RBFOX1: variants seen among roughly 807,000 people sequenced by gnomAD.
RBFOX1 encodes RNA binding fox-1 homolog 1, also known as RNA binding protein fox-1 homolog 1.
Under a neutral mutation model 57.7 loss-of-function variants are expected in RBFOX1, and 8 were observed. The ratio of observed to expected loss-of-function variants is 0.14; its 90% CI spans 0.08 to 0.25. The LOEUF (loss-of-function observed/expected upper bound fraction) is 0.25. Ranked by LOEUF, RBFOX1 falls within the 10% of genes least tolerant of loss-of-function variation. The probability of loss-of-function intolerance (pLI) is 1.00; values close to 1 mark genes in which losing one functional copy is unlikely to be tolerated. For missense variants in RBFOX1, 611 were observed against 548.5 expected (o/e 1.11, Z -1.14); for synonymous variants, 326 against 222.4 (o/e 1.47, Z -4.15).
At chr16:7,489,301 G>T (rs2079037193) in intron 4 of RBFOX1, among the ~76,000 whole-genome samples, 1 of 152,132 alleles carries the variant, frequency 6.6e-6, no homozygotes, top group African/African-American at 2.4e-5. Flanking sequence ...TTTACTAAAT[G>T]ACAGGAACTG....
chr16:6,853,014 T>C (rs2094152347), intron 3 of RBFOX1, among the ~76,000 whole-genome samples: 1 of 152,106 alleles, frequency 6.6e-6, no homozygotes, highest in Admixed American at 6.5e-5. Context: ...ACTGGCAGAA[T>C]TGGAACAGCT....
chr16:7,166,518 G>C (rs1220277656), intron 4 of RBFOX1, among the ~76,000 whole-genome samples: 3 of 152,116 alleles, frequency 2.0e-5, no homozygotes, highest in Non-Finnish European at 4.4e-5. Context: ...AGAAGGAACA[G>C]GATGGCCTCA....
intron 4 of RBFOX1, among the ~76,000 whole-genome samples, chr16:7,158,589 G>T (rs1336144983): frequency 6.6e-6 from 1 of 152,014 alleles, no homozygotes; most frequent in Non-Finnish European, 1.5e-5. Context: ...GTGTGTATGT[G>T]CCTGTGTCCT....
chr16:5,417,935 G>T (rs976717560), intron 1 of RBFOX1, among the ~76,000 whole-genome samples: 1 of 152,084 alleles, frequency 6.6e-6, no homozygotes, highest in Non-Finnish European at 1.5e-5. Context: ...ACAAAAATTC[G>T]CTGGGTGTTG....
rs77494453 is a variant in RBFOX1, at chr16:6,982,490, G to A, written c.-15-69567G>A. ...TCATTCGTTCATGAGAGTCGTTGAC[G>A]AGGTGGATCCTGGAGTAGTCTCAGA... is the stretch of plus-strand genomic sequence containing the variant. On this transcript the variant is annotated intron_variant, in intron 3 of 15. Coordinates refer to ENST00000550418, the MANE Select transcript of RBFOX1 (RefSeq NM_018723.4). Among the ~76,000 whole-genome samples, 839 of 152,238 alleles carry A rather than the reference G, an allele frequency of 5.5e-3. 7 individuals are homozygous for A. The highest frequency in any genetic ancestry group is 0.019 in the African/African-American group (785 of 41,524).
At chr16:7,223,748 A>G (rs940992486) in intron 4 of RBFOX1, among the ~76,000 whole-genome samples, 2 of 151,770 alleles carry the variant, frequency 1.3e-5, no homozygotes, top group African/African-American at 4.8e-5. Context: ...GAAATGAGCA[A>G]GGCAGGTGGA....
intron 3 of RBFOX1, among the ~76,000 whole-genome samples, chr16:6,816,078 C>CA (rs1449386024): frequency 7.2e-5 from 11 of 152,088 alleles, no homozygotes; most frequent in African/African-American, 2.7e-4. Context: ...GAGGCTGAGG[C>CA]AGGAGGATTG....
intron 4 of RBFOX1, among the ~76,000 whole-genome samples, chr16:7,421,957 C>G (rs757138481): frequency 6.6e-6 from 1 of 152,098 alleles, no homozygotes; most frequent in African/African-American, 2.4e-5. Context: ...GTCCCTAAAG[C>G]CATATCTGTT....
intron 3 of RBFOX1, chr16:5,611,220 C>A (rs950221332): frequency 6.6e-6 from 1 of 152,258 alleles, no homozygotes; most frequent in African/African-American, 2.4e-5. Context: ...TTACCTAGGG[C>A]AGGTTCTTAC....
At chr16:6,224,013 G>T (rs1207598291) in intron 1 of RBFOX1, among the ~76,000 whole-genome samples, 2 of 152,060 alleles carry the variant, frequency 1.3e-5, no homozygotes, top group African/African-American at 4.8e-5. Flanking sequence ...GATAGTTGTA[G>T]ATATGCGGCG....
chr16:7,395,208 C>G (rs138343162), intron 4 of RBFOX1, among the ~76,000 whole-genome samples: 50 of 149,172 alleles, frequency 3.4e-4, no homozygotes, highest in African/African-American at 1.1e-3. Context: ...CTTGCCTGAT[C>G]TATGTAGATG....
chr16:5,475,280 A>G (rs2069281304), intron 2 of RBFOX1, among the ~76,000 whole-genome samples: 1 of 152,174 alleles, frequency 6.6e-6, no homozygotes, highest in African/African-American at 2.4e-5. Flanking sequence ...ATTTGCTTTT[A>G]TCTTACCTGC....
intron 3 of RBFOX1, among the ~76,000 whole-genome samples, chr16:6,889,362 C>G (rs564623109): frequency 6.6e-5 from 10 of 152,328 alleles, no homozygotes; most frequent in East Asian, 1.9e-4. Flanking sequence ...ATTTTGCTCT[C>G]TTTTCCCTCT....
chr16:7,405,974 G>A (rs1424061680), intron 4 of RBFOX1, among the ~76,000 whole-genome samples: 1 of 152,112 alleles, frequency 6.6e-6, no homozygotes, highest in Non-Finnish European at 1.5e-5. Flanking sequence ...CATCGAGTAG[G>A]TAGAGCCTGA....
chr16:7,584,295 G>A (rs1298327775), intron 6 of RBFOX1, among the ~76,000 whole-genome samples: 1 of 152,088 alleles, frequency 6.6e-6, no homozygotes, highest in African/African-American at 2.4e-5. Context: ...TCTAGATCTT[G>A]TTTGTTTTGT....
intron 2 of RBFOX1, among the ~76,000 whole-genome samples, chr16:6,404,492 C>A (rs999773570): frequency 1.1e-4 from 16 of 152,158 alleles, no homozygotes; most frequent in African/African-American, 3.4e-4. Context: ...AAAGAGTACG[C>A]ATTTGTAGTT....
Position 6,834,935 on chromosome 16 carries a change from CA to C in RBFOX1, c.-16+180286del, listed in dbSNP as rs754222658. ...TGAGATGGTGTCTCGCTCTGTTGCC[CA>C]GGCTGGAGTGCAGTGGCGCGATCTT... On this transcript the variant is annotated intron_variant, in intron 3 of 15. Coordinates refer to ENST00000550418, the MANE Select transcript of RBFOX1 (RefSeq NM_018723.4). Among the ~76,000 whole-genome samples the C allele has an allele frequency of 7.4e-5, 11 of 147,676 alleles. No individual in the cohort carries two copies. In the East Asian group the frequency reaches 1.6e-3, roughly 22 times the overall value.
chr16:6,680,870 C>T (rs1371841011), intron 3 of RBFOX1, among the ~76,000 whole-genome samples: 1 of 152,222 alleles, frequency 6.6e-6, no homozygotes, highest in African/African-American at 2.4e-5. Flanking sequence ...ACTGTTTCAG[C>T]TACCATGGTG....
At chr16:5,804,840 T>C (rs1043474981) in intron 3 of RBFOX1, among the ~76,000 whole-genome samples, 1 of 151,028 alleles carries the variant, frequency 6.6e-6, no homozygotes, top group Non-Finnish European at 1.5e-5. Context: ...TGACACATTC[T>C]AAATGAGGCC....
Sources: allele counts gnomAD v4.1 joint callset (sites outside exome capture counted in the v4.1 genomes callset), GRCh38; gene constraint gnomAD v4.1.1; transcripts MANE v1.5; gene names NCBI Gene and HGNC (gene_info 2026-07-23, HGNC 2026-07-21).